Variants in CDH8 observed in about 807,000 individuals in gnomAD.
CDH8 encodes the protein cadherin-8.
In CDH8, 17 loss-of-function variants were observed where a neutral mutation model predicts 68.1. The observed-to-expected ratio is 0.25, with a 90% CI of 0.17 to 0.37. The LOEUF (loss-of-function observed/expected upper bound fraction) is 0.37. Among genes scored for constraint, CDH8 ranks in the 10% least tolerant of loss-of-function variants. The pLI is 1.00. For synonymous variants in CDH8, 372 were observed against 365.1 expected, an observed-to-expected ratio of 1.02 and a Z score of -0.21; for missense variants, 763 against 999.3, an observed-to-expected ratio of 0.76 and a Z score of 3.19.
intron 8 of CDH8, among the ~76,000 whole-genome samples, chr16:61,755,427 C>T (rs1028735587): frequency 7.2e-5 from 11 of 151,812 alleles, no homozygotes; most frequent in African/African-American, 2.7e-4. Flanking sequence ...CACGTATTGG[C>T]GTGTGTAGTG....
intron 10 of CDH8, among the ~76,000 whole-genome samples, chr16:61,669,131 C>A (rs1181169065): frequency 3.3e-5 from 5 of 152,094 alleles, no homozygotes; most frequent in African/African-American, 7.2e-5. Context: ...CTCGTGATCT[C>A]CCTGAAGATT....
intron 2 of CDH8, among the ~76,000 whole-genome samples, chr16:61,971,105 A>C (rs917452307): frequency 6.6e-6 from 1 of 152,110 alleles, no homozygotes; most frequent in Non-Finnish European, 1.5e-5. Flanking sequence ...TGCCCGCAAA[A>C]CATTGCTCTT....
intron 9 of CDH8, among the ~76,000 whole-genome samples, chr16:61,721,376 G>T (rs975873022): frequency 1.3e-5 from 2 of 150,852 alleles, no homozygotes; most frequent in Admixed American, 1.3e-4. Flanking sequence ...TATGAAAGAT[G>T]CCTGCTGGCA....
At chr16:61,669,622 T>A (rs1963751417) in intron 10 of CDH8, among the ~76,000 whole-genome samples, 2 of 152,074 alleles carry the variant, frequency 1.3e-5, no homozygotes, top group Admixed American at 6.6e-5. Flanking sequence ...AGTCAAAATA[T>A]CAGTCAGTTG....
At chr16:62,002,375 T>G (rs1965907381) in intron 2 of CDH8, among the ~76,000 whole-genome samples, 1 of 152,178 alleles carries the variant, frequency 6.6e-6, no homozygotes, top group African/African-American at 2.4e-5. Flanking sequence ...ACCTTCGGGG[T>G]TTGACTCAGC....
At chr16:61,721,375 T>C (rs1465800769) in intron 9 of CDH8, among the ~76,000 whole-genome samples, 1 of 150,962 alleles carries the variant, frequency 6.6e-6, no homozygotes, top group African/African-American at 2.4e-5. Context: ...TTATGAAAGA[T>C]GCCTGCTGGC....
intron 7 of CDH8, among the ~76,000 whole-genome samples, chr16:61,807,294 G>A (rs1429781455): frequency 7.2e-6 from 1 of 138,726 alleles, no homozygotes; most frequent in South Asian, 2.4e-4. Context: ...GACACAGGAA[G>A]GGGAATATCA....
intron 3 of CDH8, among the ~76,000 whole-genome samples, chr16:61,881,911 A>G (rs879646726): frequency 6.6e-6 from 1 of 152,200 alleles, no homozygotes; most frequent in Non-Finnish European, 1.5e-5. Flanking sequence ...AGCTGTCCTA[A>G]GCCTAATCTT....
chr16:61,807,607 C>T (rs550520320), intron 7 of CDH8, among the ~76,000 whole-genome samples: 1 of 152,268 alleles, frequency 6.6e-6, no homozygotes, highest in East Asian at 1.9e-4. Context: ...GATTGCCCTT[C>T]AAAGGAGGAT....
intron 8 of CDH8, among the ~76,000 whole-genome samples, chr16:61,780,059 T>C (rs1176803756): frequency 1.3e-5 from 2 of 152,232 alleles, no homozygotes. Flanking sequence ...TCTGAGTTTC[T>C]TTGCCTGGAA....
At chr16:62,008,079 T>A in intron 2 of CDH8, among the ~76,000 whole-genome samples, 1 of 151,882 alleles carries the variant, frequency 6.6e-6, no homozygotes, top group Admixed American at 6.6e-5. Context: ...GAACCACAGG[T>A]GCATGCCACC....
Position 61,649,572 on chromosome 16 carries a change from A to T in CDH8, c.*4036T>A, listed in dbSNP as rs1963274694. On this transcript the variant is annotated 3_prime_UTR_variant, in exon 12 of 12. Transcript: ENST00000577390. The stretch of plus-strand genomic sequence containing the variant: ...GACTGACAATGATAGGATTTCAGTC[A>T]TGCTCAGCCTTTCCGACAGTGCCAG... 1 of 152,006 alleles carries T rather than the reference A, an allele frequency of 6.6e-6. No homozygotes were observed. Among genetic ancestry groups the T allele is most frequent in the Admixed American group, 6.6e-5 (1 of 15,200 alleles). The allele number at this position is 152,006 out of a possible 1,614,324, so 9.4% of individuals were successfully genotyped here.
intron 10 of CDH8, among the ~76,000 whole-genome samples, chr16:61,660,424 GA>G (rs776215700): frequency 6.6e-6 from 1 of 150,818 alleles, no homozygotes; most frequent in Non-Finnish European, 1.5e-5. Flanking sequence ...AGAATAGAGA[GA>G]AAAAAAGAAT....
At chr16:61,765,080 T>C (rs1354720773) in intron 8 of CDH8, among the ~76,000 whole-genome samples, 2 of 152,080 alleles carry the variant, frequency 1.3e-5, no homozygotes, top group African/African-American at 4.8e-5. Flanking sequence ...GTCTATTGAA[T>C]TCTTCAAATA....
chr16:61,810,346 A>G (rs1366093089), intron 7 of CDH8, among the ~76,000 whole-genome samples: 1 of 152,154 alleles, frequency 6.6e-6, no homozygotes, highest in African/African-American at 2.4e-5. Context: ...TAACTGCTTT[A>G]ATAAATAATA....
At chr16:61,840,130 A>G (rs745466296) in intron 4 of CDH8, among the ~76,000 whole-genome samples, 31 of 152,254 alleles carry the variant, frequency 2.0e-4, no homozygotes, top group Non-Finnish European at 3.2e-4. Flanking sequence ...GAATATATAA[A>G]AGTGATTTTC....
At chr16:61,931,355 C>T (rs1238539330) in intron 2 of CDH8, among the ~76,000 whole-genome samples, 2 of 152,012 alleles carry the variant, frequency 1.3e-5, no homozygotes, top group Non-Finnish European at 2.9e-5. Flanking sequence ...TTATTATTTT[C>T]GTAGAGACAG....
At chr16:61,843,392 T>G (rs1962729211) in intron 4 of CDH8, among the ~76,000 whole-genome samples, 1 of 152,182 alleles carries the variant, frequency 6.6e-6, no homozygotes, top group African/African-American at 2.4e-5. Flanking sequence ...TATCTCAGCT[T>G]GAACCCTATA....
intron 10 of CDH8, among the ~76,000 whole-genome samples, chr16:61,676,858 A>G (rs1296046258): frequency 6.6e-6 from 1 of 152,008 alleles, no homozygotes; most frequent in East Asian, 1.9e-4. Context: ...TTGCTACCAT[A>G]TGTGTGCAAA....
Sources: gnomAD v4.1 joint callset for allele counts (sites outside exome capture counted in the v4.1 genomes callset) on GRCh38, gnomAD v4.1.1 for gene constraint, MANE v1.5 for transcripts, NCBI Gene and HGNC (gene_info 2026-07-23, HGNC 2026-07-21) for gene names.